XRCC5: variants seen among roughly 807,000 people sequenced by gnomAD.
The protein encoded by XRCC5 is X-ray repair cross complementing 5, also known as DNA repair protein Ku80.
Under a neutral mutation model 95.7 loss-of-function variants are expected in XRCC5, and 12 were observed. That is an observed-to-expected ratio of 0.13 (90% CI 0.08 to 0.20). The LOEUF is 0.20. Ranked by LOEUF, XRCC5 falls within the 10% of genes least tolerant of loss-of-function variation. The pLI is 1.00. For synonymous variants in XRCC5, 281 were observed against 290.3 expected (o/e 0.97, Z 0.33); for missense variants, 595 against 873.9 (o/e 0.68, Z 4.02).
chr2:216,161,464 T>C (rs974615510), intron 15 of XRCC5, among the ~76,000 whole-genome samples: 2 of 152,208 alleles, frequency 1.3e-5, no homozygotes, highest in African/African-American at 4.8e-5. Context: ...TGAGGACATG[T>C]TCAACCTGGG....
chr2:216,110,232 A>G (rs1299369502), intron 1 of XRCC5, among the ~76,000 whole-genome samples: 2 of 142,736 alleles, frequency 1.4e-5, no homozygotes, highest in Non-Finnish European at 3.0e-5. Flanking sequence ...AGAAATTACA[A>G]TGAATTTTAA....
chr2:216,194,253 A>G (rs1247124738), intron 18 of XRCC5, among the ~76,000 whole-genome samples: 1 of 152,246 alleles, frequency 6.6e-6, no homozygotes, highest in Non-Finnish European at 1.5e-5. Flanking sequence ...ATAATGAAAC[A>G]ATATTATTTA....
Position 216,192,580 on chromosome 2 carries a change from A to G in XRCC5, c.1945-59A>G, listed in dbSNP as rs1331847224. 4 of 1,221,996 alleles carry G rather than the reference A, an allele frequency of 3.3e-6. No homozygotes were observed. In the Admixed American group the frequency reaches 9.8e-5, roughly 30 times the overall value. The allele number at this position is 1,221,996 out of a possible 1,614,324, so 75.7% of individuals were successfully genotyped here. A position where few individuals can be genotyped will look rare whatever the true frequency, so the allele number is the denominator to read the frequency against. ...ACCAAACTTTGTTTGGTCTGGGGTG[A>G]ATTTGTTTTTGTGTTTGCTCTGACT... On this transcript the variant is annotated intron_variant, in intron 17 of 20. Transcript: ENST00000392132.
chr2:216,179,877 G>A (rs907661471), intron 16 of XRCC5, among the ~76,000 whole-genome samples: 9 of 152,188 alleles, frequency 5.9e-5, no homozygotes, highest in African/African-American at 1.7e-4. Context: ...CAAGGTTGAG[G>A]TAGGCAGATG....
chr2:216,184,329 T>C (rs576218050), intron 16 of XRCC5, among the ~76,000 whole-genome samples: 8 of 152,222 alleles, frequency 5.3e-5, no homozygotes, highest in Admixed American at 1.3e-4. Flanking sequence ...TTTATAGAAA[T>C]ACAGCTTTTA....
At chr2:216,175,468 T>G in intron 16 of XRCC5, 3 of 510,486 alleles carry the variant, frequency 5.9e-6, no homozygotes, top group South Asian at 4.3e-5. Flanking sequence ...TTGTGCTTGT[T>G]AATAGTGTGG....
At chr2:216,113,329 C>G (rs943559929) in intron 2 of XRCC5, among the ~76,000 whole-genome samples, 200 bp downstream of exon 2, 2 of 152,148 alleles carry the variant, frequency 1.3e-5, no homozygotes, top group African/African-American at 2.4e-5. Context: ...GTTTTGGCCC[C>G]TTCACTAGAT....
chr2:216,156,957 G>A (rs139959954), intron 14 of XRCC5: 7 of 310,776 alleles, frequency 2.3e-5, no homozygotes, highest in South Asian at 1.4e-4. Flanking sequence ...TTTATTCCCC[G>A]TGATGACAGA....
intron 1 of XRCC5, among the ~76,000 whole-genome samples, chr2:216,112,551 C>T (rs1253983194): frequency 6.6e-6 from 1 of 152,230 alleles, no homozygotes; most frequent in Non-Finnish European, 1.5e-5. Flanking sequence ...TATATAGATT[C>T]TAGCAGTCAC....
chr2:216,174,278 T>C (rs1336642860), intron 16 of XRCC5, among the ~76,000 whole-genome samples: 1 of 152,202 alleles, frequency 6.6e-6, no homozygotes, highest in African/African-American at 2.4e-5. Context: ...ATTGCAAACA[T>C]ACAAATATCT....
chr2:216,161,025 T>C (rs17819831), intron 15 of XRCC5, among the ~76,000 whole-genome samples: 2,565 of 152,282 alleles, frequency 0.017, 21 homozygotes, highest in Non-Finnish European at 0.027. Context: ...AGCATTAGTG[T>C]GAATCAACAA....
At chr2:216,176,476 G>A (rs1689280582) in intron 16 of XRCC5, among the ~76,000 whole-genome samples, 1 of 152,140 alleles carries the variant, frequency 6.6e-6, no homozygotes, top group Non-Finnish European at 1.5e-5. Flanking sequence ...ATCAGTTTTA[G>A]TAATATGTCT....
intron 12 of XRCC5, 43 bp downstream of exon 12, chr2:216,138,222 T>C (rs1255793162): frequency 2.6e-6 from 4 of 1,550,850 alleles, no homozygotes; most frequent in African/African-American, 2.7e-5. Flanking sequence ...CTACACACAC[T>C]GTTCTTGGGA....
chr2:216,182,049 A>G (rs1183795690), intron 16 of XRCC5, among the ~76,000 whole-genome samples: 1 of 152,202 alleles, frequency 6.6e-6, no homozygotes, highest in East Asian at 1.9e-4. Flanking sequence ...AATTTCTGGT[A>G]CCTAATATTT....
At chr2:216,157,528 C>T (rs1049172518) in intron 14 of XRCC5, among the ~76,000 whole-genome samples, 12 of 151,312 alleles carry the variant, frequency 7.9e-5, no homozygotes, top group Non-Finnish European at 1.3e-4. Context: ...CCACCACGCC[C>T]GGCCAATACA....
chr2:216,135,349 A>G (rs1171302695), intron 10 of XRCC5, among the ~76,000 whole-genome samples: 1 of 152,158 alleles, frequency 6.6e-6, no homozygotes, highest in Non-Finnish European at 1.5e-5. Flanking sequence ...AGGTAATGGT[A>G]TGAGCAAAGG....
chr2:216,170,471 A>T (rs1689140330), intron 16 of XRCC5, among the ~76,000 whole-genome samples: 1 of 147,666 alleles, frequency 6.8e-6, no homozygotes, highest in South Asian at 2.2e-4. Flanking sequence ...ATCACTCCTG[A>T]TACCAGTCTT....
chr2:216,126,004 G>T lies in XRCC5; in HGVS notation c.771G>T (p.Leu257Phe). The change falls in exon 7 of 21, where the codon TTG (leucine) becomes TTT (phenylalanine). Residue 257 changes from leucine (L) to phenylalanine (F), a missense_variant. Leu to Phe is a conservative substitution (Grantham distance 22). Around this residue, in one of 2 missense-constraint regions of XRCC5, gnomAD observed 286 missense variants for 491.1 expected, o/e 0.58. Transcript: ENST00000392132. Reference protein sequence around the residue: ...WPCRLTIGSNLSIRIAAYKSI... With the variant: ...WPCRLTIGSNFSIRIAAYKSI... ...GCCGACTGACCATTGGCTCCAATTT[G>T]TCTATAAGGATTGCAGCCTATAAAT... is the stretch of plus-strand genomic sequence containing the variant. The T allele has an allele frequency of 6.2e-7, 1 of 1,613,742 alleles. No individual in the cohort carries two copies. The highest frequency in any genetic ancestry group is 8.5e-7 in the Non-Finnish European group (1 of 1,179,682).
At chr2:216,194,874 G>A (rs1195615116) in intron 18 of XRCC5, 45 bp from the exon 19 acceptor site, 7 of 1,592,070 alleles carry the variant, frequency 4.4e-6, no homozygotes, top group Non-Finnish European at 6.0e-6. Context: ...TGGGATTGGG[G>A]TTGATTCTTT....
Sources: gnomAD v4.1 joint callset for allele counts (sites outside exome capture counted in the v4.1 genomes callset) on GRCh38, gnomAD v4.1.1 for gene constraint, gnomAD v4.1.1 regional missense constraint, MANE v1.5 for transcripts, NCBI Gene and HGNC (gene_info 2026-07-23, HGNC 2026-07-21) for gene names.